The following SAMMSON variants were observed in gnomAD, a reference collection of about 807,000 sequenced individuals.
SAMMSON encodes the protein survival associated mitochondrial melanoma specific oncogenic non-coding RNA.
Position 70,289,968 on chromosome 3 carries a change from C to T in SAMMSON, n.675-1211C>T, listed in dbSNP as rs377598658. 2.0e-4 allele frequency among the ~76,000 whole-genome samples: 31 copies of T among 151,800 alleles called. 1 individual carries two copies. The highest frequency in any genetic ancestry group is 1.2e-4 in the African/African-American group (5 of 41,458). ...TTCTAGTTATACATTCTTCTAAATT[C>T]TTTTCAAAGTTTTCAACTTCTTTGC... On this transcript the variant is annotated intron_variant and non_coding_transcript_variant, in intron 6 of 9. Transcript: ENST00000642114.
chr3:70,108,690 G>A (rs1000074435), intron 4 of SAMMSON, among the ~76,000 whole-genome samples: 4 of 151,708 alleles, frequency 2.6e-5, no homozygotes, highest in South Asian at 4.2e-4. Context: ...AGGCGACACC[G>A]GAGAGCTTGC....
intron 6 of SAMMSON, among the ~76,000 whole-genome samples, chr3:70,260,530 A>T (rs1701856151): frequency 6.6e-6 from 1 of 152,078 alleles, no homozygotes; most frequent in African/African-American, 2.4e-5. Context: ...GTCAAGGGCT[A>T]GGAGTCCCTA....
chr3:70,168,045 G>T (rs1002646246), intron 4 of SAMMSON, among the ~76,000 whole-genome samples: 1 of 151,970 alleles, frequency 6.6e-6, no homozygotes, highest in Non-Finnish European at 1.5e-5. Flanking sequence ...GTAAAGCATT[G>T]TTTCCATGGC....
chr3:70,426,070 T>C (rs916828130), intron 2 of SAMMSON, among the ~76,000 whole-genome samples: 1 of 152,226 alleles, frequency 6.6e-6, no homozygotes, highest in Non-Finnish European at 1.5e-5. Flanking sequence ...GATGTTTTCC[T>C]ACTTAGTAAC....
At chr3:70,270,823 G>A (rs1701968915) in intron 6 of SAMMSON, among the ~76,000 whole-genome samples, 1 of 152,052 alleles carries the variant, frequency 6.6e-6, no homozygotes, top group Admixed American at 6.6e-5. Context: ...TCATAAGTGG[G>A]AGTTGAGCAA....
intron 4 of SAMMSON, among the ~76,000 whole-genome samples, chr3:70,194,809 G>A (rs1701160462): frequency 1.3e-5 from 2 of 152,144 alleles, no homozygotes; most frequent in African/African-American, 4.8e-5. Flanking sequence ...CCTCACCAAT[G>A]ATACCAGGTA....
At chr3:70,114,722 G>A (rs2067403056) in intron 4 of SAMMSON, among the ~76,000 whole-genome samples, 1 of 152,082 alleles carries the variant, frequency 6.6e-6, no homozygotes, top group Non-Finnish European at 1.5e-5. Context: ...CTTCAACAAA[G>A]GCCAAGTAGA....
At chr3:70,267,724 C>A (rs771427328) in intron 6 of SAMMSON, among the ~76,000 whole-genome samples, 1 of 151,928 alleles carries the variant, frequency 6.6e-6, no homozygotes. Context: ...CCTAAAATAG[C>A]ATTTTTTAAT....
At chr3:70,024,105 C>T (rs755712122) in intron 3 of SAMMSON, among the ~76,000 whole-genome samples, 1 of 152,168 alleles carries the variant, frequency 6.6e-6, no homozygotes, top group Non-Finnish European at 1.5e-5. Context: ...GGATTGCACT[C>T]TCATTATTCT....
chr3:70,223,798 T>G (rs1280368569), intron 4 of SAMMSON, among the ~76,000 whole-genome samples: 1 of 152,196 alleles, frequency 6.6e-6, no homozygotes, highest in African/African-American at 2.4e-5. Flanking sequence ...TGCTTTGGAT[T>G]TCTTTTAATG....
intron 4 of SAMMSON, among the ~76,000 whole-genome samples, chr3:70,151,743 G>T (rs1248793685): frequency 6.6e-6 from 1 of 151,348 alleles, no homozygotes; most frequent in Non-Finnish European, 1.5e-5. Flanking sequence ...ATGTAAATGG[G>T]TTGTTTTTCT....
chr3:70,143,575 A>G (rs1409999091), intron 4 of SAMMSON, among the ~76,000 whole-genome samples: 1 of 152,030 alleles, frequency 6.6e-6, no homozygotes. Flanking sequence ...ATTGCATCCT[A>G]TTGGGTTTGG....
intron 3 of SAMMSON, among the ~76,000 whole-genome samples, chr3:70,042,379 T>C (rs4855335): frequency 0.42 from 64,199 of 151,894 alleles, 14,115 homozygotes; most frequent in East Asian, 0.62. Flanking sequence ...AAGTATTGTT[T>C]TTCCATGAAT....
chr3:70,072,739 A>T (rs1224081693), intron 4 of SAMMSON: 1 of 151,974 alleles, frequency 6.6e-6, no homozygotes, highest in Non-Finnish European at 1.5e-5. Context: ...ACAAATGACA[A>T]AGTTAGCATT....
chr3:70,287,339 T>C (rs915608728), intron 6 of SAMMSON, among the ~76,000 whole-genome samples: 2 of 148,400 alleles, frequency 1.3e-5, no homozygotes, highest in Non-Finnish European at 3.0e-5. Context: ...TCTTTGGCTG[T>C]GTTTATATGC....
chr3:70,336,449 A>G (rs1702660831), intron 7 of SAMMSON, among the ~76,000 whole-genome samples: 1 of 151,908 alleles, frequency 6.6e-6, no homozygotes, highest in South Asian at 2.1e-4. Flanking sequence ...CTTTCCTGAG[A>G]TTTCCGTGTA....
intron 9 of SAMMSON, among the ~76,000 whole-genome samples, chr3:70,382,162 C>T (rs1381861221): frequency 6.6e-6 from 1 of 152,036 alleles, no homozygotes; most frequent in Non-Finnish European, 1.5e-5. Context: ...TATAAAGGTT[C>T]AGTTTCTTAT....
chr3:70,339,497 C>A (rs1459638248), intron 7 of SAMMSON, among the ~76,000 whole-genome samples: 2 of 152,150 alleles, frequency 1.3e-5, no homozygotes, highest in African/African-American at 4.8e-5. Flanking sequence ...TTTTTACAAT[C>A]TACCCATCTG....
chr3:70,052,629 T>C (rs887054782), intron 3 of SAMMSON, among the ~76,000 whole-genome samples: 2 of 152,146 alleles, frequency 1.3e-5, no homozygotes, highest in African/African-American at 2.4e-5. Flanking sequence ...ATGTAACATA[T>C]GCATATTTGC....
Sources: allele counts gnomAD v4.1 joint callset (sites outside exome capture counted in the v4.1 genomes callset), GRCh38; gene constraint gnomAD v4.1.1; transcripts MANE v1.5; gene names NCBI Gene and HGNC (gene_info 2026-07-23, HGNC 2026-07-21).